GIGYF1: variants seen among roughly 807,000 people sequenced by gnomAD.
The protein encoded by GIGYF1 is GRB10 interacting GYF protein 1.
A neutral mutation model predicts 147.1 loss-of-function variants in GIGYF1; 84 were observed. The ratio of observed to expected loss-of-function variants is 0.57; its 90% CI spans 0.48 to 0.68. The LOEUF (loss-of-function observed/expected upper bound fraction) is 0.68. Among genes scored for constraint, GIGYF1 ranks in the 30% least tolerant of loss-of-function variants. The pLI, the probability that GIGYF1 is intolerant of heterozygous loss-of-function variation, is 0.00. For missense variants in GIGYF1, 1,485 were observed against 1,393.7 expected (o/e 1.07, Z -1.04); for synonymous variants, 752 against 589.5 (o/e 1.28, Z -3.99).
chr7:100,688,509 G>A lies in GIGYF1; in HGVS notation c.-128C>T, dbSNP rs1805588515. The A allele has an allele frequency of 2.4e-5, 16 of 676,778 alleles. No individual in the cohort carries two copies. In the East Asian group the frequency reaches 4.6e-4, roughly 19 times the overall value. The allele number at this position is 676,778 out of a possible 1,614,324, so 41.9% of individuals were successfully genotyped here. On this transcript the variant is annotated 5_prime_UTR_variant, in exon 3 of 27. Coordinates refer to ENST00000678049, the MANE Select transcript of GIGYF1 (RefSeq NM_001375765.1). ...TTACCCAGAGATGAGTCCAGACGGTGAAAGACCTGGGGGAGGCGAGGAGAT... is the reference window on the plus strand; with the variant it reads ...TTACCCAGAGATGAGTCCAGACGGTAAAAGACCTGGGGGAGGCGAGGAGAT...
At position 100,680,517 on chromosome 7, in the gene GIGYF1, G is replaced by T. The variant is rs189491457; in HGVS notation, c.*1202C>A. 6.6e-6 allele frequency: 1 copy of T among 152,630 alleles called. No homozygotes were observed. Among genetic ancestry groups the T allele is most frequent in the African/African-American group, 2.4e-5 (1 of 41,464 alleles). 9.5% of individuals were successfully genotyped at this position (152,630 alleles called of 1,614,324 possible). Reference sequence around the variant, plus strand: ...TCTCTTCACCCCAACCTTACCCAACGGTAAAAAGCGCATCATATCAGACCC... The same window carrying T: ...TCTCTTCACCCCAACCTTACCCAACTGTAAAAAGCGCATCATATCAGACCC... On this transcript the variant is annotated 3_prime_UTR_variant, in exon 27 of 27. Transcript: ENST00000678049.
In GIGYF1 at chr7:100,681,423, T is replaced by C; in HGVS notation, c.*296A>G. ...CCTTCCATTGTCACACCCACTATCC[T>C]CACAGCAGGAAGGGGTGTTTAGAGT... is the stretch of plus-strand genomic sequence containing the variant. On this transcript the variant is annotated 3_prime_UTR_variant, in exon 27 of 27. Coordinates refer to ENST00000678049, the MANE Select transcript of GIGYF1 (RefSeq NM_001375765.1). 1 of 277,598 alleles carries C rather than the reference T, an allele frequency of 3.6e-6. No individual in the cohort carries two copies. The highest frequency in any genetic ancestry group is 6.6e-6 in the Non-Finnish European group (1 of 150,400). 17.2% of individuals were successfully genotyped at this position (277,598 alleles called of 1,614,324 possible).
At chr7:100,691,731 C>A (rs1333359066) in intron 1 of GIGYF1, among the ~76,000 whole-genome samples, 1 of 152,076 alleles carries the variant, frequency 6.6e-6, no homozygotes, top group African/African-American at 2.4e-5. Context: ...AAGCCTCGGC[C>A]TACTTCGGCT....
In GIGYF1 at chr7:100,686,442, G is replaced by A. The variant is rs766767164; in HGVS notation, c.695-9C>T. 6.3e-7 allele frequency: 1 copy of A among 1,576,506 alleles called. No homozygotes were observed. The stretch of plus-strand genomic sequence containing the variant: ...AGAGCGGGGACCACCATCTGCACAG[G>A]AAAAGTCAGGGAGAAGAAGAGTGGG... On this transcript the variant is annotated splice_polypyrimidine_tract_variant and intron_variant, in intron 10 of 26. Transcript: ENST00000678049.
At chr7:100,691,547 C>CTTTTTT in intron 1 of GIGYF1, among the ~76,000 whole-genome samples, 1 of 144,812 alleles carries the variant, frequency 6.9e-6, no homozygotes, top group African/African-American at 2.6e-5. Flanking sequence ...TTGTCTATTG[C>CTTTTTT]AAGCTCTCAG....
rs757694874 is a variant in GIGYF1 at position 100,685,137 on chromosome 7, C to T, written c.1202G>A (p.Arg401Gln). The change falls in exon 14 of 27, where the codon CGG (arginine) becomes CAG (glutamine). Residue 401 changes from arginine to glutamine, a missense_variant. Coordinates refer to ENST00000678049, the MANE Select transcript of GIGYF1 (RefSeq NM_001375765.1). ...KEPPAAEDDI[R>Q]GIQLSPGVGS... ...CACCCCGGGACTCAGCTGGATCCCCCGAATATCATCTGGAAGGCATGAGAT... is the reference window on the plus strand; with the variant it reads ...CACCCCGGGACTCAGCTGGATCCCCTGAATATCATCTGGAAGGCATGAGAT... 4.5e-5 allele frequency: 71 copies of T among 1,581,366 alleles called. No individual in the cohort carries two copies. Among genetic ancestry groups the T allele is most frequent in the African/African-American group, 1.2e-4 (9 of 74,230 alleles).
chr7:100,691,971 A>G (rs978749341), intron 1 of GIGYF1, among the ~76,000 whole-genome samples: 1 of 152,276 alleles, frequency 6.6e-6, no homozygotes, highest in South Asian at 2.1e-4. Context: ...CCCAGTGCAC[A>G]TTCAGCTAAG....
rs1489192623 is a variant in GIGYF1, at chr7:100,683,294, G to C, written c.2193+10C>G. On this transcript the variant is annotated intron_variant, in intron 21 of 26. Coordinates refer to ENST00000678049, the MANE Select transcript of GIGYF1 (RefSeq NM_001375765.1). ...GTCCACCCAGCCAGCTGAGGCTTGG[G>C]AGCACCCACGTGCTTGCGCCGAAAC... is the stretch of plus-strand genomic sequence containing the variant. 12 of 1,613,742 alleles carry C rather than the reference G, an allele frequency of 7.4e-6. No individual in the cohort carries two copies. Among genetic ancestry groups the C allele is most frequent in the Non-Finnish European group, 1.0e-5 (12 of 1,179,956 alleles).
intron 1 of GIGYF1, among the ~76,000 whole-genome samples, chr7:100,690,335 G>GA (rs1562887236): frequency 6.6e-6 from 1 of 152,164 alleles, no homozygotes; most frequent in Non-Finnish European, 1.5e-5. Context: ...GAGGGTGGGA[G>GA]AGAGTAGAAC....
In GIGYF1 at chr7:100,681,415, C is replaced by T. The variant is rs1804744693; in HGVS notation, c.*304G>A. 3.2e-6 allele frequency: 1 copy of T among 312,562 alleles called. No individual in the cohort carries two copies. Among genetic ancestry groups the T allele is most frequent in the African/African-American group, 2.2e-5 (1 of 46,374 alleles). 19.4% of individuals were successfully genotyped at this position (312,562 alleles called of 1,614,324 possible). ...TCTGTGGACCTTCCATTGTCACACC[C>T]ACTATCCTCACAGCAGGAAGGGGTG... On this transcript the variant is annotated 3_prime_UTR_variant, in exon 27 of 27. Transcript: ENST00000678049.
chr7:100,682,760 G>A lies in GIGYF1; in HGVS notation c.2430C>T (p.Gly810=). 1 of 1,529,516 alleles carries A rather than the reference G, an allele frequency of 6.5e-7. No homozygotes were observed. The highest frequency in any genetic ancestry group is 8.8e-7 in the Non-Finnish European group (1 of 1,140,536). The allele number at this position is 1,529,516 out of a possible 1,614,324, so 94.7% of individuals were successfully genotyped here. A position where few individuals can be genotyped will look rare whatever the true frequency, so the allele number is the denominator to read the frequency against. ...ACACCCACTGGTTCAGGGGGGCAGT[G>A]CCCAGGCCCCCAAGCTGCTACAGAT... ...PNHRVQLGGL[G]TAPLNQWVSE... is the part of the protein sequence containing the mutation. The change falls in exon 23 of 27, where the codon GGC becomes GGT. Residue 810 remains glycine (G), a synonymous_variant. Coordinates refer to ENST00000678049, the MANE Select transcript of GIGYF1 (RefSeq NM_001375765.1).
rs1584505079 is a variant in GIGYF1 at position 100,687,657 on chromosome 7, C to T, written c.262-41G>A. 8 of 1,514,804 alleles carry T rather than the reference C, an allele frequency of 5.3e-6. No homozygotes were observed. The South Asian group carries it at 7.1e-5, about 13-fold the overall frequency. 93.8% of individuals were successfully genotyped at this position (1,514,804 alleles called of 1,614,324 possible). A position where few individuals can be genotyped will look rare whatever the true frequency, so the allele number is the denominator to read the frequency against. On this transcript the variant is annotated intron_variant, in intron 6 of 26. Coordinates refer to ENST00000678049, the MANE Select transcript of GIGYF1 (RefSeq NM_001375765.1). ...GGGGCGGGAGTGAGGACCCAGGCAC[C>T]CAACCACCTCCACCCCCACCCCACA...
rs756697808 is a variant in GIGYF1, at chr7:100,684,308, C to T, written c.1659G>A (p.Lys553=). The T allele has an allele frequency of 1.2e-6, 2 of 1,600,466 alleles. No individual in the cohort carries two copies. The highest frequency in any genetic ancestry group is 3.4e-5 in the Admixed American group (2 of 57,996). Residue 553 remains lysine (K), a synonymous_variant, in exon 17 of 27, where the codon AAG becomes AAA. Coordinates refer to ENST00000678049, the MANE Select transcript of GIGYF1 (RefSeq NM_001375765.1). ...AGGCCGCCGCGGCCAGCTCCTGTTG[C>T]TTCTTCAGCCGCTCCTGGTCCATGT... The part of the protein sequence containing the change: ...LGNMDQERLK[K]QQELAAAALY...
rs774593198 is a variant in GIGYF1, at chr7:100,683,222, C to T, written c.2202G>A (p.Gln734=). 2.5e-6 allele frequency: 4 copies of T among 1,611,698 alleles called. No individual in the cohort carries two copies. The highest frequency in any genetic ancestry group is 4.5e-5 in the East Asian group (2 of 44,886). The change falls in exon 22 of 27, where the codon CAG becomes CAA. Residue 734 remains glutamine, a synonymous_variant. Coordinates refer to ENST00000678049, the MANE Select transcript of GIGYF1 (RefSeq NM_001375765.1). ...GTAGCAACTTCAGCAATAGCTCCTG[C>T]TGCCGCACCTAAGAGGGGGACATGG... is the stretch of plus-strand genomic sequence containing the variant. ...EELFRRKHVR[Q]QELLLKLLQQ...
At position 100,688,113 on chromosome 7, in the gene GIGYF1, G is replaced by C; in HGVS notation, c.36-3C>G. 1.2e-6 allele frequency: 2 copies of C among 1,607,096 alleles called. No homozygotes were observed. The highest frequency in any genetic ancestry group is 1.7e-6 in the Non-Finnish European group (2 of 1,175,762). On this transcript the variant is annotated splice_region_variant and splice_polypyrimidine_tract_variant and intron_variant, in intron 4 of 26. Coordinates refer to ENST00000678049, the MANE Select transcript of GIGYF1 (RefSeq NM_001375765.1). ...CGCCCCCGGACAGGGCCCTGAGCCT[G>C]GACACAACACAGAGAGAAGAAGACA...
Position 100,694,162 on chromosome 7 carries a change from G to C in GIGYF1, c.-1151C>G, listed in dbSNP as rs1391744818. The C allele has an allele frequency of 2.6e-5, 1 of 38,842 alleles. No homozygotes were observed. The highest frequency in any genetic ancestry group is 1.2e-4 in the African/African-American group (1 of 8,656). 2.4% of individuals were successfully genotyped at this position (38,842 alleles called of 1,614,324 possible). A position where few individuals can be genotyped will look rare whatever the true frequency, so the allele number is the denominator to read the frequency against. ...GGGCGTGGGCGGCGCGCGGCGGGCGGGGGCCGGGGACGGCGACGGCGGCTA... is the reference window on the plus strand; with the variant it reads ...GGGCGTGGGCGGCGCGCGGCGGGCGCGGGCCGGGGACGGCGACGGCGGCTA... On this transcript the variant is annotated 5_prime_UTR_variant, in exon 1 of 27. Coordinates refer to ENST00000678049, the MANE Select transcript of GIGYF1 (RefSeq NM_001375765.1).
intron 10 of GIGYF1, 25 bp from the exon 11 acceptor site, chr7:100,686,458 GAA>G: frequency 6.4e-7 from 1 of 1,561,550 alleles, no homozygotes; most frequent in African/African-American, 1.4e-5. Context: ...TCAGGGAGAA[GAA>G]GAGTGGGTAC....
Position 100,684,169 on chromosome 7 carries a change from A to T in GIGYF1, c.1731-12T>A. ...GTGGGAGCTGGCGGCTGCAAATGGG[A>T]CAGTGGAGATGGTGGGCCACAGAGC... On this transcript the variant is annotated splice_polypyrimidine_tract_variant and intron_variant, in intron 17 of 26. Coordinates refer to ENST00000678049, the MANE Select transcript of GIGYF1 (RefSeq NM_001375765.1). 6.2e-7 allele frequency: 1 copy of T among 1,609,136 alleles called. No individual in the cohort carries two copies. The highest frequency in any genetic ancestry group is 8.5e-7 in the Non-Finnish European group (1 of 1,179,310).
chr7:100,692,454 G>A lies in GIGYF1; in HGVS notation c.-1099+1656C>T, dbSNP rs77198185. 3.8e-3 allele frequency among the ~76,000 whole-genome samples: 583 copies of A among 152,320 alleles called. 30 individuals are homozygous for A. The East Asian group carries it at 0.11, about 27-fold the overall frequency. On this transcript the variant is annotated intron_variant, in intron 1 of 26. Coordinates refer to ENST00000678049, the MANE Select transcript of GIGYF1 (RefSeq NM_001375765.1). The stretch of plus-strand genomic sequence containing the variant: ...CTATGCAAGACTGGAGGTGCGCACG[G>A]TAGCAGTAACCATCCCAAACTCGCA...
Sources: allele counts gnomAD v4.1 joint callset (sites outside exome capture counted in the v4.1 genomes callset), GRCh38; gene constraint gnomAD v4.1.1; transcripts MANE v1.5; gene names NCBI Gene and HGNC (gene_info 2026-07-23, HGNC 2026-07-21).